The following XKR4 variants were observed in gnomAD, a reference collection of about 807,000 sequenced individuals.
The protein encoded by XKR4 is XK related 4.
In XKR4, 12 loss-of-function variants were observed where a neutral mutation model predicts 53.9. The ratio of observed to expected loss-of-function variants is 0.22; its 90% CI spans 0.14 to 0.36. XKR4 has a LOEUF of 0.36. Among genes scored for constraint, XKR4 ranks in the 10% least tolerant of loss-of-function variants. The probability of loss-of-function intolerance (pLI) is 1.00; values close to 1 mark genes in which losing one functional copy is unlikely to be tolerated. For synonymous variants in XKR4, 354 were observed against 362.4 expected, an observed-to-expected ratio of 0.98 and a Z score of 0.26; for missense variants, 799 against 859.5, an observed-to-expected ratio of 0.93 and a Z score of 0.88.
chr8:55,450,415 G>A lies in XKR4; in HGVS notation c.1007-72866G>A, dbSNP rs1805420110. 13 of 576,474 alleles carry A rather than the reference G, an allele frequency of 2.3e-5. No homozygotes were observed. In the East Asian group the frequency reaches 4.5e-4, roughly 20 times the overall value. The allele number at this position is 576,474 out of a possible 1,614,324, so 35.7% of individuals were successfully genotyped here. A position where few individuals can be genotyped will look rare whatever the true frequency, so the allele number is the denominator to read the frequency against. On this transcript the variant is annotated intron_variant, in intron 2 of 2. Transcript: ENST00000327381. ...ATTCATGTAGTTGTGGAACATGGCT[G>A]TCCTCTTGCTCATCCGGTCCACACA...
At position 55,345,198 on chromosome 8, in the gene XKR4, G is replaced by A. The variant is rs577052861; in HGVS notation, c.807-12480G>A. 2.0e-5 allele frequency among the ~76,000 whole-genome samples: 3 copies of A among 152,120 alleles called. No individual in the cohort carries two copies. The South Asian group carries it at 6.2e-4, about 32-fold the overall frequency. ...AATCCCCACTACTTGGGAGGCTGAG[G>A]CAGGAGAATCACTTGAACTCGGGAG... On this transcript the variant is annotated intron_variant, in intron 1 of 2. Transcript: ENST00000327381.
At chr8:55,513,791 G>C (rs895375633) in intron 2 of XKR4, among the ~76,000 whole-genome samples, 2 of 152,178 alleles carry the variant, frequency 1.3e-5, no homozygotes, top group African/African-American at 4.8e-5. Flanking sequence ...GAGTTACCAG[G>C]TTTCACAATT....
intron 1 of XKR4, among the ~76,000 whole-genome samples, chr8:55,347,242 T>C (rs1268901761): frequency 6.6e-6 from 1 of 152,160 alleles, no homozygotes; most frequent in Non-Finnish European, 1.5e-5. Context: ...GTGGTTTGAG[T>C]CCATGGTGCT....
intron 1 of XKR4, among the ~76,000 whole-genome samples, chr8:55,152,267 T>C (rs1816849383): frequency 1.3e-5 from 2 of 152,166 alleles, no homozygotes; most frequent in South Asian, 4.1e-4. Flanking sequence ...CTAGCTTTGA[T>C]AGTTTTATTA....
At chr8:55,467,336 C>G (rs76343602) in intron 2 of XKR4, among the ~76,000 whole-genome samples, 1 of 152,276 alleles carries the variant, frequency 6.6e-6, no homozygotes, top group East Asian at 1.9e-4. Flanking sequence ...TTTTGGTTAA[C>G]TCAAAGTCAA....
At chr8:55,497,282 T>C (rs1378792169) in intron 2 of XKR4, among the ~76,000 whole-genome samples, 2 of 152,206 alleles carry the variant, frequency 1.3e-5, no homozygotes, top group Non-Finnish European at 2.9e-5. Flanking sequence ...AATACAATAA[T>C]GAAAAAGGCT....
At chr8:55,245,097 A>G (rs1818267580) in intron 1 of XKR4, among the ~76,000 whole-genome samples, 1 of 151,312 alleles carries the variant, frequency 6.6e-6, no homozygotes, top group Admixed American at 6.6e-5. Flanking sequence ...GAGATTTTAT[A>G]TTTTTCACCA....
chr8:55,169,419 C>T (rs1288309435), intron 1 of XKR4, among the ~76,000 whole-genome samples: 1 of 152,192 alleles, frequency 6.6e-6, no homozygotes, highest in African/African-American at 2.4e-5. Flanking sequence ...AAATGCCAAA[C>T]CCAATATGAA....
At chr8:55,325,891 G>T (rs1265255653) in intron 1 of XKR4, among the ~76,000 whole-genome samples, 1 of 152,198 alleles carries the variant, frequency 6.6e-6, no homozygotes, top group Non-Finnish European at 1.5e-5. Flanking sequence ...TTGATATATA[G>T]TTGAGGAGAT....
chr8:55,317,692 A>G lies in XKR4; in HGVS notation c.807-39986A>G, dbSNP rs1177837237. ...GGGCTCAGTATCTGGAGGTCACCCC[A>G]TTACTGTGAGTGACAGAGAACCACT... On this transcript the variant is annotated intron_variant, in intron 1 of 2. Transcript: ENST00000327381. 2.0e-5 allele frequency among the ~76,000 whole-genome samples: 3 copies of G among 152,182 alleles called. No homozygotes were observed. The East Asian group carries it at 5.8e-4, about 29-fold the overall frequency.
chr8:55,204,400 T>C (rs1002814977), intron 1 of XKR4, among the ~76,000 whole-genome samples: 1 of 152,338 alleles, frequency 6.6e-6, no homozygotes, highest in Middle Eastern at 3.4e-3. Context: ...TTTTTTCTTT[T>C]AAATAATTGT....
At chr8:55,108,496 AG>A (rs1462744882) in intron 1 of XKR4, among the ~76,000 whole-genome samples, 1 of 152,174 alleles carries the variant, frequency 6.6e-6, no homozygotes, top group African/African-American at 2.4e-5. Context: ...TTGGCTTCAC[AG>A]GCTTTGAGTT....
intron 2 of XKR4, among the ~76,000 whole-genome samples, chr8:55,507,158 A>G (rs1053134313): frequency 1.3e-5 from 2 of 152,204 alleles, no homozygotes; most frequent in Non-Finnish European, 2.9e-5. Context: ...CCACATATAT[A>G]ACAGCATTGC....
chr8:55,122,873 G>A (rs1460991116), intron 1 of XKR4, among the ~76,000 whole-genome samples: 2 of 152,132 alleles, frequency 1.3e-5, no homozygotes, highest in Non-Finnish European at 2.9e-5. Context: ...GTCACATGGA[G>A]GGGGTCTTCC....
chr8:55,134,018 A>T (rs1816592734), intron 1 of XKR4, among the ~76,000 whole-genome samples: 1 of 152,244 alleles, frequency 6.6e-6, no homozygotes, highest in African/African-American at 2.4e-5. Flanking sequence ...TTCTCTCCAG[A>T]CAGATTTTTT....
chr8:55,128,587 T>G (rs1816509640), intron 1 of XKR4, among the ~76,000 whole-genome samples: 1 of 152,192 alleles, frequency 6.6e-6, no homozygotes, highest in Non-Finnish European at 1.5e-5. Flanking sequence ...AGCACCACAC[T>G]TCATGTGACA....
chr8:55,341,257 C>A (rs1329812836), intron 1 of XKR4, among the ~76,000 whole-genome samples: 1 of 152,254 alleles, frequency 6.6e-6, no homozygotes, highest in Admixed American at 6.5e-5. Context: ...CACTGGGACT[C>A]CTCTGTGAGG....
At chr8:55,225,179 CA>C (rs1817936753) in intron 1 of XKR4, among the ~76,000 whole-genome samples, 1 of 152,004 alleles carries the variant, frequency 6.6e-6, no homozygotes, top group Admixed American at 6.5e-5. Flanking sequence ...CCCGATTTTA[CA>C]AACTTGAGTG....
At chr8:55,106,820 A>C (rs930759461) in intron 1 of XKR4, among the ~76,000 whole-genome samples, 2 of 152,142 alleles carry the variant, frequency 1.3e-5, no homozygotes, top group African/African-American at 4.8e-5. Context: ...TTGAGTCTCC[A>C]TCATGAGAGT....
Sources: gnomAD v4.1 joint callset for allele counts (sites outside exome capture counted in the v4.1 genomes callset) on GRCh38, gnomAD v4.1.1 for gene constraint, MANE v1.5 for transcripts, NCBI Gene and HGNC (gene_info 2026-07-23, HGNC 2026-07-21) for gene names.